The following ACKR2 variants were observed in gnomAD, a reference collection of about 807,000 sequenced individuals.
ACKR2 encodes the protein C-C chemokine receptor D6.
For synonymous variants in ACKR2, 207 were observed against 192.2 expected, an observed-to-expected ratio of 1.08 and a Z score of -0.64; for missense variants, 457 against 477.3, an observed-to-expected ratio of 0.96 and a Z score of 0.40.
intron 1 of ACKR2, among the ~76,000 whole-genome samples, chr3:42,810,854 G>A (rs532961614): frequency 3.3e-5 from 5 of 152,160 alleles, no homozygotes; most frequent in Non-Finnish European, 5.9e-5. Context: ...TCCTAACACC[G>A]ACTTCATTTC....
At chr3:42,855,389 G>A (rs987334807) in intron 2 of ACKR2, among the ~76,000 whole-genome samples, 2 of 152,158 alleles carry the variant, frequency 1.3e-5, no homozygotes, top group African/African-American at 4.8e-5. Context: ...GCATATGAAG[G>A]TGTCTGGCCA....
At position 42,865,494 on chromosome 3, in the gene ACKR2, T is replaced by A; in HGVS notation, c.992T>A (p.Leu331His). 3.7e-6 allele frequency: 6 copies of A among 1,614,188 alleles called. No homozygotes were observed. The highest frequency in any genetic ancestry group is 4.2e-6 in the Non-Finnish European group (5 of 1,180,044). Residue 331 changes from leucine to histidine, a missense_variant, in exon 3 of 3, where the codon CTT becomes CAT. Leu to His is a moderately conservative substitution (Grantham distance 99). Coordinates refer to ENST00000422265, the MANE Select transcript of ACKR2 (RefSeq NM_001296.5). ...CTGAAGGCTTTCCTGGCTGCCGTGC[T>A]TGGATGGCACCTGGCACCTGGCACT... ...QYLKAFLAAV[L>H]GWHLAPGTAQ...
rs540624787 is a variant in ACKR2, at chr3:42,838,291, C to T, written c.-38+18580C>T. Among the ~76,000 whole-genome samples, 18 of 152,178 alleles carry T rather than the reference C, an allele frequency of 1.2e-4. 2 individuals carry two copies. The South Asian group carries it at 3.7e-3, about 32-fold the overall frequency. Reference sequence around the variant, plus strand: ...GAGAAAATATTTGCAAATCATATATCTGATAAAAGACTTTTTATAAAGGAT... The same window carrying T: ...GAGAAAATATTTGCAAATCATATATTTGATAAAAGACTTTTTATAAAGGAT... On this transcript the variant is annotated intron_variant, in intron 2 of 2. Coordinates refer to ENST00000422265, the MANE Select transcript of ACKR2 (RefSeq NM_001296.5).
rs763938400 is a variant in ACKR2, at chr3:42,864,461, C to CG, written c.-37-4dup. On this transcript the variant is annotated splice_region_variant and splice_polypyrimidine_tract_variant and intron_variant, in intron 2 of 2. Transcript: ENST00000422265. ...GCTAGGTCTCACCATATTTTCCCCC[C>CG]GCAGCACTACAGGACGTCGGGACTG... 5 of 1,543,352 alleles carry CG rather than the reference C, an allele frequency of 3.2e-6. No homozygotes were observed. The highest frequency in any genetic ancestry group is 3.5e-6 in the Non-Finnish European group (4 of 1,147,602).
intron 2 of ACKR2, among the ~76,000 whole-genome samples, chr3:42,828,874 G>A (rs1559686160): frequency 2.6e-5 from 4 of 152,184 alleles, no homozygotes; most frequent in Non-Finnish European, 4.4e-5. Flanking sequence ...AATGAAATAG[G>A]AGGATAATAT....
intron 1 of ACKR2, among the ~76,000 whole-genome samples, chr3:42,810,352 T>G (rs1325263986): frequency 2.0e-5 from 3 of 152,190 alleles, no homozygotes; most frequent in Non-Finnish European, 4.4e-5. Context: ...ATGTGGGATA[T>G]GATAAGATTT....
chr3:42,811,863 C>T (rs1700698954), intron 1 of ACKR2, among the ~76,000 whole-genome samples: 1 of 152,160 alleles, frequency 6.6e-6, no homozygotes, highest in African/African-American at 2.4e-5. Flanking sequence ...ATCTGGCCTA[C>T]GTGCACATCC....
In ACKR2 at chr3:42,867,056, G is replaced by A. The variant is rs2088441665; in HGVS notation, c.*1399G>A. ...CCTGGCTAATTTTTGTATTTTTTGT[G>A]GAGACAGGGTCTCAGTATGTTACCC... is the stretch of plus-strand genomic sequence containing the variant. On this transcript the variant is annotated 3_prime_UTR_variant, in exon 3 of 3. Coordinates refer to ENST00000422265, the MANE Select transcript of ACKR2 (RefSeq NM_001296.5). 8 of 162,494 alleles carry A rather than the reference G, an allele frequency of 4.9e-5. No individual in the cohort carries two copies. The allele number at this position is 162,494 out of a possible 1,614,324, so 10.1% of individuals were successfully genotyped here.
intron 2 of ACKR2, among the ~76,000 whole-genome samples, chr3:42,820,743 A>AAT (rs1700802362): frequency 2.6e-5 from 4 of 151,414 alleles, no homozygotes; most frequent in Admixed American, 2.0e-4. Context: ...AAAAAAAAAA[A>AAT]AGCTAGTAAC....
chr3:42,855,480 C>T (rs1483459660), intron 2 of ACKR2, among the ~76,000 whole-genome samples: 1 of 152,186 alleles, frequency 6.6e-6, no homozygotes, highest in African/African-American at 2.4e-5. Context: ...GGAATGGTTG[C>T]TCCAGAGGTG....
chr3:42,860,181 A>C (rs1175302736), intron 2 of ACKR2, among the ~76,000 whole-genome samples: 7 of 143,752 alleles, frequency 4.9e-5, no homozygotes, highest in African/African-American at 1.8e-4. Context: ...AAAAAAAAAA[A>C]AAAAAAAAGC....
intron 2 of ACKR2, among the ~76,000 whole-genome samples, chr3:42,842,654 A>G (rs2125614235): frequency 6.6e-6 from 1 of 152,302 alleles, no homozygotes; most frequent in South Asian, 2.1e-4. Flanking sequence ...CTCAAGGGCA[A>G]TATTTGAAAT....
chr3:42,813,690 A>T (rs1325547267), intron 1 of ACKR2, among the ~76,000 whole-genome samples: 1 of 152,242 alleles, frequency 6.6e-6, no homozygotes, highest in African/African-American at 2.4e-5. Context: ...GACACAAACC[A>T]TATCATACAA....
At chr3:42,856,127 A>T (rs1012482664) in intron 2 of ACKR2, 7 of 452,780 alleles carry the variant, frequency 1.5e-5, no homozygotes, top group Non-Finnish European at 2.3e-5. Flanking sequence ...GAAGGCCAGG[A>T]GGCCCCTGGT....
Position 42,865,024 on chromosome 3 carries a change from C to G in ACKR2, c.522C>G (p.Ala174=). 6.2e-7 allele frequency: 1 copy of G among 1,614,160 alleles called. No individual in the cohort carries two copies. The highest frequency in any genetic ancestry group is 8.5e-7 in the Non-Finnish European group (1 of 1,180,016). The change falls in exon 3 of 3, where the codon GCC becomes GCG. Residue 174 remains alanine (A), a synonymous_variant. Transcript: ENST00000422265. ...LATIVWAVSL[A]VSIPDMVFVQ... is the part of the protein sequence containing the mutation. Reference sequence around the variant, plus strand: ...CCATAGTATGGGCTGTGTCCCTGGCCGTCTCCATCCCTGATATGGTCTTTG... The same window carrying G: ...CCATAGTATGGGCTGTGTCCCTGGCGGTCTCCATCCCTGATATGGTCTTTG...
At chr3:42,811,551 T>C (rs1700694996) in intron 1 of ACKR2, among the ~76,000 whole-genome samples, 1 of 152,162 alleles carries the variant, frequency 6.6e-6, no homozygotes, top group South Asian at 2.1e-4. Context: ...TGACACAGCC[T>C]GAGATATGGC....
chr3:42,853,648 A>G (rs1701187241), intron 2 of ACKR2, among the ~76,000 whole-genome samples: 1 of 151,994 alleles, frequency 6.6e-6, no homozygotes, highest in Non-Finnish European at 1.5e-5. Context: ...TCTACTACTC[A>G]ATTGCTCTGT....
chr3:42,826,107 A>G (rs1419031260), intron 2 of ACKR2, among the ~76,000 whole-genome samples: 2 of 152,046 alleles, frequency 1.3e-5, no homozygotes, highest in Non-Finnish European at 2.9e-5. Context: ...GTCATGGTGT[A>G]TAACCCGTTA....
intron 2 of ACKR2, among the ~76,000 whole-genome samples, chr3:42,846,147 G>A (rs1161267031): frequency 1.3e-5 from 2 of 152,124 alleles, no homozygotes; most frequent in Non-Finnish European, 2.9e-5. Flanking sequence ...ACAGTGTCCT[G>A]TCCAGCCCAA....
Sources: allele counts gnomAD v4.1 joint callset (sites outside exome capture counted in the v4.1 genomes callset), GRCh38; gene constraint gnomAD v4.1.1; transcripts MANE v1.5; gene names NCBI Gene and HGNC (gene_info 2026-07-23, HGNC 2026-07-21).